WLS: variants seen among roughly 807,000 people sequenced by gnomAD.
WLS encodes the protein protein wntless homolog.
In WLS, 23 loss-of-function variants were observed where a neutral mutation model predicts 62.8. That is an observed-to-expected ratio of 0.37 (90% CI 0.26 to 0.52). WLS has a LOEUF of 0.52. Among genes scored for constraint, WLS ranks in the 20% least tolerant of loss-of-function variants. WLS has a pLI of 0.92. For missense variants in WLS, 615 were observed against 697.3 expected (o/e 0.88, Z 1.33); for synonymous variants, 246 against 244.1 (o/e 1.01, Z -0.07).
intron 8 of WLS, among the ~76,000 whole-genome samples, chr1:68,147,330 C>T (rs775547181): frequency 1.3e-5 from 2 of 152,128 alleles, no homozygotes; most frequent in Non-Finnish European, 2.9e-5. Flanking sequence ...GAGCTTCTCT[C>T]TCATCTTTGA....
At chr1:68,137,468 A>G (rs1462211146) in intron 11 of WLS, among the ~76,000 whole-genome samples, 1 of 152,174 alleles carries the variant, frequency 6.6e-6, no homozygotes, top group African/African-American at 2.4e-5. Flanking sequence ...CCAACAGTCA[A>G]TTGTGCTCAA....
At chr1:68,213,060 A>G (rs971543929) in intron 1 of WLS, among the ~76,000 whole-genome samples, 1 of 152,230 alleles carries the variant, frequency 6.6e-6, no homozygotes, top group South Asian at 2.1e-4. Flanking sequence ...AAGAAAAGAA[A>G]TGGGTGGAAA....
chr1:68,189,431 T>C (rs1239842846), intron 2 of WLS, among the ~76,000 whole-genome samples: 2 of 151,490 alleles, frequency 1.3e-5, no homozygotes, highest in Non-Finnish European at 2.9e-5. Flanking sequence ...TTAATTATTG[T>C]TGTTATCTTT....
intron 2 of WLS, among the ~76,000 whole-genome samples, chr1:68,180,776 T>C (rs969935866): frequency 1.3e-5 from 2 of 152,106 alleles, no homozygotes; most frequent in African/African-American, 4.8e-5. Context: ...CTGCTGGACT[T>C]TGTCACCCCC....
chr1:68,103,806 C>A (rs1394355695), intron 11 of WLS, among the ~76,000 whole-genome samples: 1 of 152,208 alleles, frequency 6.6e-6, no homozygotes, highest in Non-Finnish European at 1.5e-5. Context: ...CCACATGCTG[C>A]TTGGGCACTG....
chr1:68,189,345 T>A (rs1205619289), intron 2 of WLS, among the ~76,000 whole-genome samples: 1 of 152,204 alleles, frequency 6.6e-6, no homozygotes, highest in Non-Finnish European at 1.5e-5. Context: ...AATCTTATGC[T>A]GAGGTTGCTA....
Position 68,129,759 on chromosome 1 carries a change from T to C in WLS, c.1517-3424A>G, listed in dbSNP as rs538201719. On this transcript the variant is annotated intron_variant, in intron 11 of 11. Coordinates refer to ENST00000262348, the MANE Select transcript of WLS (RefSeq NM_024911.7). ...CTTGCTCCATCTGTTAGTTTCCCCC[T>C]CTCTTGGCTCCTGCTGTTCAGTGCA... Among the ~76,000 whole-genome samples, 72 of 152,228 alleles carry C rather than the reference T, an allele frequency of 4.7e-4. 1 individual carries two copies. Among genetic ancestry groups the C allele is most frequent in the African/African-American group, 1.7e-3 (70 of 41,544 alleles).
intron 1 of WLS, among the ~76,000 whole-genome samples, chr1:68,196,352 A>C (rs906627236): frequency 1.3e-5 from 2 of 151,940 alleles, no homozygotes; most frequent in African/African-American, 2.4e-5. Context: ...AACCTTTGAA[A>C]GTTAGTAGTT....
Position 68,158,369 on chromosome 1 carries a change from G to A in WLS, c.504+754C>T, listed in dbSNP as rs571714986. Among the ~76,000 whole-genome samples, 7 of 152,220 alleles carry A rather than the reference G, an allele frequency of 4.6e-5. No homozygotes were observed. The South Asian group carries it at 1.2e-3, about 27-fold the overall frequency. On this transcript the variant is annotated intron_variant, in intron 3 of 11. Transcript: ENST00000262348. ...GGGTACTTAGGTTTACCCATGGAGG[G>A]CCTTAGTTTATATGTTTTCTCCTAG... is the stretch of plus-strand genomic sequence containing the variant.
chr1:68,150,853 C>A (rs573739619), intron 5 of WLS, among the ~76,000 whole-genome samples: 47 of 152,308 alleles, frequency 3.1e-4, no homozygotes, highest in African/African-American at 1.1e-3. Flanking sequence ...TTTTATTTTA[C>A]TCTTCCCCTG....
At position 68,186,797 on chromosome 1, in the gene WLS, T is replaced by C. The variant is rs543640495; in HGVS notation, c.379+7158A>G. ...GTATATGTATATTGCTGAATATATATAACATAATATATATAATCTGTATAA... is the reference window on the plus strand; with the variant it reads ...GTATATGTATATTGCTGAATATATACAACATAATATATATAATCTGTATAA... On this transcript the variant is annotated intron_variant, in intron 2 of 11. Coordinates refer to ENST00000262348, the MANE Select transcript of WLS (RefSeq NM_024911.7). 1.2e-3 allele frequency: 253 copies of C among 209,166 alleles called. 1 individual carries two copies. Among genetic ancestry groups the C allele is most frequent in the African/African-American group, 7.0e-3 (231 of 32,954 alleles). 13.0% of individuals were successfully genotyped at this position (209,166 alleles called of 1,614,324 possible). A position where few individuals can be genotyped will look rare whatever the true frequency, so the allele number is the denominator to read the frequency against.
In WLS at chr1:68,199,146, T is replaced by C. The variant is rs1648848929; in HGVS notation, c.107-4919A>G. Among the ~76,000 whole-genome samples, 3 of 152,346 alleles carry C rather than the reference T, an allele frequency of 2.0e-5. No homozygotes were observed. The East Asian group carries it at 5.8e-4, about 29-fold the overall frequency. On this transcript the variant is annotated intron_variant, in intron 1 of 11. Transcript: ENST00000262348. Reference sequence around the variant, plus strand: ...AGGCTGACATGACACATTGTCTCCATTTAAGCCAACATAGACTATTTATTT... The same window carrying C: ...AGGCTGACATGACACATTGTCTCCACTTAAGCCAACATAGACTATTTATTT...
At position 68,208,651 on chromosome 1, in the gene WLS, G is replaced by C. The variant is rs930198551; in HGVS notation, c.107-14424C>G. ...ACTTTAAATTCACCTTTGGTTGACT[G>C]CCTGTTTCTTTGACAGAATCCCTAC... is the stretch of plus-strand genomic sequence containing the variant. On this transcript the variant is annotated intron_variant, in intron 1 of 11. Coordinates refer to ENST00000262348, the MANE Select transcript of WLS (RefSeq NM_024911.7). Among the ~76,000 whole-genome samples, 9 of 152,188 alleles carry C rather than the reference G, an allele frequency of 5.9e-5. 1 individual carries two copies. Among genetic ancestry groups the C allele is most frequent in the African/African-American group, 1.9e-4 (8 of 41,446 alleles).
At chr1:68,229,065 C>T (rs1225220813) in intron 1 of WLS, among the ~76,000 whole-genome samples, 1 of 151,966 alleles carries the variant, frequency 6.6e-6, no homozygotes, top group Non-Finnish European at 1.5e-5. Context: ...ATGTACAATT[C>T]TCTAAGTACT....
At chr1:68,183,241 G>A (rs975174749) in intron 2 of WLS, among the ~76,000 whole-genome samples, 3 of 152,156 alleles carry the variant, frequency 2.0e-5, no homozygotes, top group African/African-American at 7.2e-5. Flanking sequence ...ATAAATTAAA[G>A]AAGACATGGT....
chr1:68,225,508 G>A lies in WLS; in HGVS notation c.106+6686C>T, dbSNP rs1650106885. On this transcript the variant is annotated intron_variant, in intron 1 of 11. Transcript: ENST00000262348. The stretch of plus-strand genomic sequence containing the variant: ...ATCATTTCGTGTCTTGATGCTCCCT[G>A]TGTCTCATTACCTCTCAGGGTCTCT... Among the ~76,000 whole-genome samples, 4 of 152,132 alleles carry A rather than the reference G, an allele frequency of 2.6e-5. No homozygotes were observed. The South Asian group carries it at 8.3e-4, about 32-fold the overall frequency.
intron 11 of WLS, among the ~76,000 whole-genome samples, chr1:68,110,850 AAATT>A (rs1218772763): frequency 2.0e-5 from 3 of 152,144 alleles, no homozygotes; most frequent in South Asian, 2.1e-4. Context: ...TATAGGAAAA[AAATT>A]AAAGAGGCTC....
chr1:68,113,937 TCAGA>T (rs1646259279), intron 11 of WLS, among the ~76,000 whole-genome samples: 1 of 152,104 alleles, frequency 6.6e-6, no homozygotes, highest in South Asian at 2.1e-4. Flanking sequence ...TGAGATCTCC[TCAGA>T]AAGAAACATG....
At position 68,125,812 on chromosome 1, in the gene WLS, G is replaced by C. The variant is rs953778016; in HGVS notation, c.*414C>G. 36 of 1,003,232 alleles carry C rather than the reference G, an allele frequency of 3.6e-5. 1 individual carries two copies. In the African/African-American group the frequency reaches 4.8e-4, roughly 13 times the overall value. 62.1% of individuals were successfully genotyped at this position (1,003,232 alleles called of 1,614,324 possible). On this transcript the variant is annotated 3_prime_UTR_variant, in exon 12 of 12. Coordinates refer to ENST00000262348, the MANE Select transcript of WLS (RefSeq NM_024911.7). ...CACCAGCCTACCTTGGACTGGGACC[G>C]CAAAGGATGTTAAAATCTATCCTAG...
Sources: allele counts gnomAD v4.1 joint callset (sites outside exome capture counted in the v4.1 genomes callset), GRCh38; gene constraint gnomAD v4.1.1; transcripts MANE v1.5; gene names NCBI Gene and HGNC (gene_info 2026-07-23, HGNC 2026-07-21).